Variants in ZNF695 observed in about 807,000 individuals in gnomAD.
ZNF695 encodes zinc finger protein 695.
Under a neutral mutation model 11.2 loss-of-function variants are expected in ZNF695, and 11 were observed. That is an observed-to-expected ratio of 0.98 (90% confidence interval 0.62 to 1.62). ZNF695 has a LOEUF of 1.62. ZNF695 is among the 40% of genes most tolerant of loss of function. The probability of loss-of-function intolerance (pLI) is 0.00; values close to 1 mark genes in which losing one functional copy is unlikely to be tolerated. For missense variants in ZNF695, 559 were observed against 590.5 expected (o/e 0.95, Z 0.55); for synonymous variants, 190 against 201.4 (o/e 0.94, Z 0.48).
At chr1:246,946,690 G>A (rs1667742795) in intron 5 of ZNF695, among the ~76,000 whole-genome samples, 2 of 152,238 alleles carry the variant, frequency 1.3e-5, no homozygotes. Flanking sequence ...ATCCTAAGAA[G>A]TGTATCTAGA....
In ZNF695 at chr1:246,975,584, C is replaced by T. The variant is rs192544562; in HGVS notation, c.391-7792G>A. 1.3e-3 allele frequency among the ~76,000 whole-genome samples: 192 copies of T among 152,236 alleles called. 3 individuals are homozygous for T. The highest frequency in any genetic ancestry group is 4.5e-3 in the African/African-American group (188 of 41,548). ...TGCTTCGAACTTAAGTAAAATGAAA[C>T]AAGAACAGTTTTACTAACATGCTGA... On this transcript the variant is annotated intron_variant, in intron 4 of 5. Transcript: ENST00000487338.
intron 5 of ZNF695, among the ~76,000 whole-genome samples, chr1:246,952,857 T>A (rs981640120): frequency 1.3e-5 from 2 of 151,532 alleles, no homozygotes; most frequent in Non-Finnish European, 2.9e-5. Flanking sequence ...GGCAGGAGGA[T>A]CACTTAAGCC....
At chr1:246,946,302 C>T (rs1572498907) in intron 5 of ZNF695, among the ~76,000 whole-genome samples, 1 of 152,156 alleles carries the variant, frequency 6.6e-6, no homozygotes, top group Non-Finnish European at 1.5e-5. Flanking sequence ...CTCCCTACAA[C>T]GTGACTGTAC....
chr1:246,975,652 G>A (rs1225477607), intron 4 of ZNF695, among the ~76,000 whole-genome samples: 1 of 152,214 alleles, frequency 6.6e-6, no homozygotes, highest in Non-Finnish European at 1.5e-5. Flanking sequence ...GCTGAGGGCT[G>A]AGGAGTAATC....
intron 1 of ZNF695, among the ~76,000 whole-genome samples, chr1:247,002,801 C>T (rs34183990): frequency 0.04 from 5,933 of 150,008 alleles, 155 homozygotes; most frequent in South Asian, 0.12. Flanking sequence ...AAGGGGGGGG[C>T]AGCAAAGGAC....
At position 247,007,693 on chromosome 1, in the gene ZNF695, G is replaced by A. The variant is rs375030156; in HGVS notation, c.3+213C>T. Among the ~76,000 whole-genome samples, 3 of 152,010 alleles carry A rather than the reference G, an allele frequency of 2.0e-5. 1 individual carries two copies. Among genetic ancestry groups the A allele is most frequent in the East Asian group, 1.9e-4 (1 of 5,132 alleles). ...GTGCCGAAGTCACCAGGCAGAGACC[G>A]GACAGTCACCCAGCGGCCGGGATCC... On this transcript the variant is annotated intron_variant, in intron 1 of 3. Transcript: ENST00000339986.
intron 1 of ZNF695, among the ~76,000 whole-genome samples, chr1:247,002,723 C>T (rs577478673): frequency 2.1e-4 from 31 of 151,178 alleles, no homozygotes; most frequent in Non-Finnish European, 3.7e-4. Context: ...GCAGAGGTTG[C>T]GGTGAGCTGA....
chr1:246,959,495 C>T (rs536817020), intron 5 of ZNF695, among the ~76,000 whole-genome samples: 44 of 150,690 alleles, frequency 2.9e-4, no homozygotes, highest in African/African-American at 8.8e-4. Context: ...GGCACAGTCT[C>T]GGCTCACTGC....
intron 3 of ZNF695, among the ~76,000 whole-genome samples, chr1:246,993,781 A>G (rs188325709): frequency 2.6e-5 from 4 of 152,348 alleles, no homozygotes; most frequent in African/African-American, 9.6e-5. Flanking sequence ...TGGAAGATCA[A>G]CAAAAAGATA....
At chr1:246,964,471 C>T (rs1390408399) in intron 5 of ZNF695, among the ~76,000 whole-genome samples, 1 of 152,190 alleles carries the variant, frequency 6.6e-6, no homozygotes, top group Non-Finnish European at 1.5e-5. Flanking sequence ...TCTCCTAACG[C>T]CCCTATTACT....
At chr1:246,996,899 A>G (rs1225447211) in intron 3 of ZNF695, among the ~76,000 whole-genome samples, 1 of 152,222 alleles carries the variant, frequency 6.6e-6, no homozygotes, top group Admixed American at 6.5e-5. Context: ...ATGTACTGGC[A>G]TGTCTACTGC....
intron 3 of ZNF695, among the ~76,000 whole-genome samples, chr1:246,998,202 CAT>C (rs1005677728): frequency 2.6e-5 from 4 of 152,050 alleles, no homozygotes; most frequent in African/African-American, 9.7e-5. Context: ...TATACACACA[CAT>C]ATATATAAAT....
At chr1:246,968,193 A>G (rs1668336606) in intron 4 of ZNF695, 2 of 152,322 alleles carry the variant, frequency 1.3e-5, no homozygotes, top group African/African-American at 4.8e-5. Context: ...CTAGGATACA[A>G]TAAGGGTACA....
intron 5 of ZNF695, chr1:246,966,799 T>G: frequency 2.2e-6 from 1 of 456,476 alleles, no homozygotes; most frequent in Non-Finnish European, 4.4e-6. Flanking sequence ...GAAAAAAAAG[T>G]CAAAATGAGA....
At chr1:246,951,376 C>T (rs1667866186) in intron 5 of ZNF695, among the ~76,000 whole-genome samples, 1 of 152,086 alleles carries the variant, frequency 6.6e-6, no homozygotes, top group African/African-American at 2.4e-5. Context: ...GGGAGATGGC[C>T]ACGTCGAAGG....
At chr1:246,993,075 G>A (rs1165740244) in intron 3 of ZNF695, among the ~76,000 whole-genome samples, 1 of 152,190 alleles carries the variant, frequency 6.6e-6, no homozygotes, top group East Asian at 1.9e-4. Context: ...TATAACAAGT[G>A]ATTACAGCCT....
chr1:247,007,867 C>G (rs780778456), intron 1 of ZNF695, 39 bp downstream of exon 1: 3 of 1,537,580 alleles, frequency 2.0e-6, no homozygotes, highest in Non-Finnish European at 2.6e-6. Context: ...TCCAACCACC[C>G]CCTCTCCCTT....
intron 5 of ZNF695, among the ~76,000 whole-genome samples, chr1:246,951,521 T>C (rs1430874816): frequency 1.3e-5 from 2 of 152,192 alleles, no homozygotes; most frequent in African/African-American, 4.8e-5. Context: ...ATTTCAGACT[T>C]TGAGCCTCCA....
chr1:247,000,835 A>C (rs959811872), intron 1 of ZNF695, among the ~76,000 whole-genome samples: 6 of 152,210 alleles, frequency 3.9e-5, no homozygotes, highest in Non-Finnish European at 5.9e-5. Flanking sequence ...TTTACACTAT[A>C]AAGCAACCAC....
Sources: allele counts gnomAD v4.1 joint callset (sites outside exome capture counted in the v4.1 genomes callset), GRCh38; gene constraint gnomAD v4.1.1; transcripts MANE v1.5; gene names NCBI Gene and HGNC (gene_info 2026-07-23, HGNC 2026-07-21).